Variants in MED1 observed in about 807,000 individuals in gnomAD.
MED1 encodes the protein mediator complex subunit 1.
Under a neutral mutation model 121.3 loss-of-function variants are expected in MED1, and 17 were observed. That is an observed-to-expected ratio of 0.14 (90% CI 0.10 to 0.21). MED1 has a LOEUF of 0.21. Among genes scored for constraint, MED1 ranks in the 10% least tolerant of loss-of-function variants. MED1 has a pLI of 1.00. For missense variants in MED1, 1,558 were observed against 1,919.4 expected (o/e 0.81, Z 3.52); for synonymous variants, 661 against 694.4 (o/e 0.95, Z 0.76).
chr17:39,431,063 C>A (rs1372999299), intron 9 of MED1, 52 bp downstream of exon 9: 1 of 1,431,764 alleles, frequency 7.0e-7, no homozygotes, highest in Non-Finnish European at 9.8e-7. Context: ...AAAGTAATGA[C>A]CCTCAACTTA....
chr17:39,412,610 C>T (rs1008095908), intron 16 of MED1, among the ~76,000 whole-genome samples: 5 of 148,896 alleles, frequency 3.4e-5, no homozygotes, highest in Non-Finnish European at 5.9e-5. Flanking sequence ...ATGATCTTGG[C>T]TTACCGCAAC....
chr17:39,441,298 G>A (rs992380167), intron 3 of MED1, among the ~76,000 whole-genome samples: 3 of 152,286 alleles, frequency 2.0e-5, no homozygotes, highest in Admixed American at 6.5e-5. Flanking sequence ...GGCTGCCAGG[G>A]ACTGGGGGAA....
At chr17:39,426,153 TAAC>T (rs1485841567) in intron 10 of MED1, among the ~76,000 whole-genome samples, 1 of 151,722 alleles carries the variant, frequency 6.6e-6, no homozygotes, top group African/African-American at 2.4e-5. Context: ...CAAATTATAA[TAAC>T]AATAAAGGAG....
intron 1 of MED1, among the ~76,000 whole-genome samples, chr17:39,448,318 C>T (rs1420129710): frequency 6.7e-6 from 1 of 148,574 alleles, no homozygotes; most frequent in Non-Finnish European, 1.5e-5. Context: ...TGCAGTGAGC[C>T]GAGATCACAC....
At chr17:39,435,691 CT>C (rs984698411) in intron 6 of MED1, among the ~76,000 whole-genome samples, 10 of 152,056 alleles carry the variant, frequency 6.6e-5, no homozygotes, top group African/African-American at 2.2e-4. Flanking sequence ...AACATTATTT[CT>C]TTTTTTCTCC....
intron 8 of MED1, 48 bp downstream of exon 8, chr17:39,431,894 G>C (rs552671694): frequency 7.2e-7 from 1 of 1,384,272 alleles, no homozygotes; most frequent in Non-Finnish European, 1.0e-6. Context: ...AATCTCCCCA[G>C]AGAAAAACTC....
intron 1 of MED1, among the ~76,000 whole-genome samples, chr17:39,449,018 C>T (rs2144779735): frequency 6.6e-6 from 1 of 152,044 alleles, no homozygotes; most frequent in East Asian, 1.9e-4. Context: ...TCTCCTTGCA[C>T]CCAAGGAGTA....
intron 8 of MED1, 71 bp downstream of exon 8, chr17:39,431,871 A>G: frequency 1.1e-5 from 12 of 1,082,892 alleles, no homozygotes; most frequent in Non-Finnish European, 1.7e-5. Flanking sequence ...AGAGATGTAT[A>G]AAATAGGACC....
chr17:39,438,985 G>C (rs146338117), intron 6 of MED1, among the ~76,000 whole-genome samples, 180 bp downstream of exon 6: 24 of 152,282 alleles, frequency 1.6e-4, no homozygotes, highest in Admixed American at 1.3e-3. Flanking sequence ...CTGGGATAGA[G>C]TAGGGTGAAA....
At chr17:39,422,234 G>A (rs1216180697) in intron 13 of MED1, among the ~76,000 whole-genome samples, 4 of 151,146 alleles carry the variant, frequency 2.6e-5, no homozygotes, top group African/African-American at 9.7e-5. Context: ...TGCGATCTTG[G>A]CTCACTGCAA....
rs755591104 is a variant in MED1 at position 39,408,474 on chromosome 17, T to C, written c.3747A>G (p.Leu1249=). 6.2e-7 allele frequency: 1 copy of C among 1,614,190 alleles called. No individual in the cohort carries two copies. The highest frequency in any genetic ancestry group is 1.7e-5 in the Admixed American group (1 of 60,008). Residue 1249 remains leucine, a synonymous_variant, in exon 17 of 17, where the codon TTA becomes TTG. Coordinates refer to ENST00000300651, the MANE Select transcript of MED1 (RefSeq NM_004774.4). This position sits in a 1 kb window ranked among gnomAD's most constrained non-coding sequence, Gnocchi z 4.7. ...SSSGMKSSSG[L]GSSGSLSQKT... ...TCTGGGACAACGAGCCTGAGGATCC[T>C]AACCCTGAAGATGACTTCATGCCAG...
intron 3 of MED1, among the ~76,000 whole-genome samples, chr17:39,441,936 C>G (rs1828612073): frequency 1.3e-5 from 2 of 152,072 alleles, no homozygotes; most frequent in Admixed American, 1.3e-4. Context: ...AACCCCATCT[C>G]TACTAAAAAT....
intron 16 of MED1, 51 bp downstream of exon 16, chr17:39,414,975 A>G (rs558448917): frequency 7.1e-6 from 11 of 1,554,616 alleles, no homozygotes; most frequent in African/African-American, 6.8e-5. Context: ...ACTCAACAAC[A>G]TTCTTTATAC....
chr17:39,418,504 G>C lies in MED1; in HGVS notation c.1297+1213C>G, dbSNP rs1209171077. Among the ~76,000 whole-genome samples the C allele has an allele frequency of 3.9e-4, 59 of 151,584 alleles. 1 individual carries two copies. The highest frequency in any genetic ancestry group is 1.5e-5 in the Non-Finnish European group (1 of 67,948). The stretch of plus-strand genomic sequence containing the variant: ...GCTGTTATCATGCCACTGTGGTTCA[G>C]TCTGGGCAACAGAGTGAGACCCTGT... On this transcript the variant is annotated intron_variant, in intron 14 of 16. Transcript: ENST00000300651.
At chr17:39,437,439 G>C (rs372046669) in intron 6 of MED1, among the ~76,000 whole-genome samples, 2 of 152,068 alleles carry the variant, frequency 1.3e-5, no homozygotes, top group East Asian at 1.9e-4. Context: ...TGCCCCAGGG[G>C]ACATGGTTGT....
intron 7 of MED1, among the ~76,000 whole-genome samples, chr17:39,432,988 A>G (rs903131097): frequency 2.6e-5 from 4 of 151,568 alleles, no homozygotes; most frequent in Non-Finnish European, 5.9e-5. Flanking sequence ...CGGGTGGATC[A>G]AGGTCAGGAG....
Position 39,413,323 on chromosome 17 carries a change from C to T in MED1, c.1499+1703G>A, listed in dbSNP as rs561663364. Among the ~76,000 whole-genome samples, 10 of 152,212 alleles carry T rather than the reference C, an allele frequency of 6.6e-5. No individual in the cohort carries two copies. The South Asian group carries it at 1.5e-3, about 22-fold the overall frequency. On this transcript the variant is annotated intron_variant, in intron 16 of 16. Coordinates refer to ENST00000300651, the MANE Select transcript of MED1 (RefSeq NM_004774.4). ...TATCACCCAGGCTAAAGAACAGTGGCGCAATCTTGGCTCACCGCAACCTCC... is the reference window on the plus strand; with the variant it reads ...TATCACCCAGGCTAAAGAACAGTGGTGCAATCTTGGCTCACCGCAACCTCC...
chr17:39,450,008 T>C (rs536738227), intron 1 of MED1, among the ~76,000 whole-genome samples: 32 of 151,642 alleles, frequency 2.1e-4, no homozygotes, highest in African/African-American at 7.7e-4. Context: ...GAGACGGGTT[T>C]TCTCCATGTT....
At position 39,440,372 on chromosome 17, in the gene MED1, T is replaced by C; in HGVS notation, c.399+14A>G. On this transcript the variant is annotated intron_variant, in intron 5 of 16. Coordinates refer to ENST00000300651, the MANE Select transcript of MED1 (RefSeq NM_004774.4). The surrounding 1 kb of genome is among the most constrained non-coding windows in gnomAD (Gnocchi z 4.1). Reference sequence around the variant, plus strand: ...AAACCCCACAGATTCCAGTGAAATATCAACAACACATACCACAGGATTCTC... The same window carrying C: ...AAACCCCACAGATTCCAGTGAAATACCAACAACACATACCACAGGATTCTC... 4 of 1,542,920 alleles carry C rather than the reference T, an allele frequency of 2.6e-6. No individual in the cohort carries two copies. Among genetic ancestry groups the C allele is most frequent in the Non-Finnish European group, 3.5e-6 (4 of 1,152,916 alleles).
Sources: gnomAD v4.1 joint callset for allele counts (sites outside exome capture counted in the v4.1 genomes callset) on GRCh38, gnomAD v4.1.1 for gene constraint, Gnocchi (gnomAD v3.1) non-coding constraint, MANE v1.5 for transcripts, NCBI Gene and HGNC (gene_info 2026-07-23, HGNC 2026-07-21) for gene names.